Variants in RNF216 observed in about 807,000 individuals in gnomAD.
The protein encoded by RNF216 is E3 ubiquitin-protein ligase RNF216.
RNF216 carries 72 observed loss-of-function variants against 110.8 expected under a neutral mutation model. The ratio of observed to expected loss-of-function variants is 0.65; its 90% CI spans 0.54 to 0.79. The LOEUF is 0.79. RNF216 is among the 30% of genes least tolerant of loss of function. The pLI, the probability that RNF216 is intolerant of heterozygous loss-of-function variation, is 0.00. For missense variants in RNF216, 1,342 were observed against 1,141.2 expected (o/e 1.18, Z -2.54); for synonymous variants, 495 against 407.5 (o/e 1.21, Z -2.59).
In RNF216 at chr7:5,741,131, G is replaced by C. The variant is rs1794729810; in HGVS notation, c.886C>G (p.Leu296Val). The change falls in exon 4 of 17, where the codon CTA (leucine) becomes GTA (valine). Residue 296 changes from leucine (L) to valine (V), a missense_variant. By Grantham distance (32) the Leu-to-Val change is conservative (BLOSUM62 1). Coordinates refer to ENST00000389902, the MANE Select transcript of RNF216 (RefSeq NM_207111.4). ...GPSSPQPAHP[L>V]GEFEDQQLAS... ...AACTGCTGGTCTTCAAACTCTCCTA[G>C]AGGATGGGCAGGCTGAGGAGAAGAG... is the stretch of plus-strand genomic sequence containing the variant. The C allele has an allele frequency of 4.3e-6, 7 of 1,614,132 alleles. No individual in the cohort carries two copies. Among genetic ancestry groups the C allele is most frequent in the Non-Finnish European group, 5.9e-6 (7 of 1,180,030 alleles).
intron 13 of RNF216, among the ~76,000 whole-genome samples, chr7:5,702,747 T>C (rs969174414): frequency 3.9e-5 from 6 of 152,118 alleles, no homozygotes; most frequent in Non-Finnish European, 7.4e-5. Flanking sequence ...AGTGAAATTT[T>C]AAAAAGTGAA....
At position 5,714,347 on chromosome 7, in the gene RNF216, C is replaced by T. The variant is rs144553722; in HGVS notation, c.1833+706G>A. ...GATCTCAACTCACCACAACCTCTGC[C>T]TCCCAGATTCAACCAATTCTCCTGC... On this transcript the variant is annotated intron_variant, in intron 11 of 16. Transcript: ENST00000389902. Among the ~76,000 whole-genome samples the T allele has an allele frequency of 2.0e-5, 3 of 152,330 alleles. No individual in the cohort carries two copies. In the South Asian group the frequency reaches 6.2e-4, roughly 32 times the overall value.
At chr7:5,764,422 C>T (rs1180082631) in intron 1 of RNF216, among the ~76,000 whole-genome samples, 10 of 151,800 alleles carry the variant, frequency 6.6e-5, no homozygotes, top group Non-Finnish European at 1.2e-4. Flanking sequence ...CTGAGGAGAG[C>T]GGATCACTTG....
rs1397071099 is a variant in RNF216, at chr7:5,621,227, T to G, written c.*1633A>C. ...TTTGCTTTTGTTGCTCAGGCTGGAG[T>G]GCAGTGGCACAATCTTGGCTCACTG... is the stretch of plus-strand genomic sequence containing the variant. On this transcript the variant is annotated 3_prime_UTR_variant, in exon 17 of 17. Transcript: ENST00000389902. 1.3e-5 allele frequency: 2 copies of G among 150,554 alleles called. No individual in the cohort carries two copies. Among genetic ancestry groups the G allele is most frequent in the Non-Finnish European group, 2.9e-5 (2 of 67,904 alleles). 9.3% of individuals were successfully genotyped at this position (150,554 alleles called of 1,614,324 possible). A position where few individuals can be genotyped will look rare whatever the true frequency, so the allele number is the denominator to read the frequency against.
chr7:5,754,379 C>T (rs1009312119), intron 2 of RNF216, among the ~76,000 whole-genome samples: 1 of 152,020 alleles, frequency 6.6e-6, no homozygotes, highest in East Asian at 1.9e-4. Flanking sequence ...CTATGCTGGC[C>T]TTGAACTCCT....
intron 14 of RNF216, among the ~76,000 whole-genome samples, chr7:5,648,290 G>A (rs1250546754): frequency 1.3e-5 from 2 of 151,846 alleles, no homozygotes; most frequent in Non-Finnish European, 2.9e-5. Context: ...ATTTTTAGTA[G>A]AGACAGAGGT....
At chr7:5,654,155 C>A (rs1182660189) in intron 13 of RNF216, among the ~76,000 whole-genome samples, 1 of 152,016 alleles carries the variant, frequency 6.6e-6, no homozygotes, top group Non-Finnish European at 1.5e-5. Flanking sequence ...CCATGAAGGC[C>A]CAGACAAGGG....
intron 14 of RNF216, among the ~76,000 whole-genome samples, chr7:5,648,755 G>C (rs1279550102): frequency 1.3e-5 from 2 of 149,690 alleles, no homozygotes; most frequent in African/African-American, 4.9e-5. Context: ...AAGAAAAAAA[G>C]AAAACGCAGG....
intron 5 of RNF216, among the ~76,000 whole-genome samples, chr7:5,734,418 T>C (rs989777134): frequency 6.6e-6 from 1 of 152,198 alleles, no homozygotes; most frequent in African/African-American, 2.4e-5. Context: ...TTCTTGAAGA[T>C]TTCTGGGTTG....
intron 13 of RNF216, among the ~76,000 whole-genome samples, chr7:5,656,627 C>T (rs1230889515): frequency 1.2e-4 from 18 of 152,128 alleles, no homozygotes; most frequent in Admixed American, 1.0e-3. Flanking sequence ...ACGTTCTTCA[C>T]GTCATCATGG....
Position 5,725,355 on chromosome 7 carries a change from C to G in RNF216, c.1473G>C (p.Gln491His), listed in dbSNP as rs1302682576. 1 of 1,612,204 alleles carries G rather than the reference C, an allele frequency of 6.2e-7. No individual in the cohort carries two copies. The highest frequency in any genetic ancestry group is 1.1e-5 in the South Asian group (1 of 91,014). Residue 491 changes from glutamine to histidine, a missense_variant, in exon 8 of 17, where the codon CAG (glutamine) becomes CAC (histidine). Physicochemically the swap from Gln to His is conservative, Grantham distance 24 (BLOSUM62 0). Transcript: ENST00000389902. ...CAAACTTGAAATCAATGTAAGAATACTGGTTCATTTGTTTTCTCTTCTTCC... is the reference window on the plus strand; with the variant it reads ...CAAACTTGAAATCAATGTAAGAATAGTGGTTCATTTGTTTTCTCTTCTTCC... ...GKRKKRKQMN[Q>H]YSYIDFKFEQ...
chr7:5,779,514 A>C, intron 1 of RNF216, among the ~76,000 whole-genome samples: 1 of 152,048 alleles, frequency 6.6e-6, no homozygotes, highest in Non-Finnish European at 1.5e-5. Context: ...TGTTTCATAG[A>C]ATCTTCCCGC....
At chr7:5,695,374 A>G (rs1791560605) in intron 13 of RNF216, among the ~76,000 whole-genome samples, 1 of 151,140 alleles carries the variant, frequency 6.6e-6, no homozygotes, top group African/African-American at 2.4e-5. Flanking sequence ...CTGACCTCAC[A>G]CTCCCCAGTC....
rs1158885487 is a variant in RNF216 at position 5,741,151 on chromosome 7, G to A, written c.866C>T (p.Ser289Phe). Residue 289 changes from serine to phenylalanine, a missense_variant, in exon 4 of 17, where the codon TCT becomes TTT. Ser to Phe is a radical substitution (Grantham distance 155). Transcript: ENST00000389902. The part of the protein sequence containing the change: ...PQQGGISGPS[S>F]PQPAHPLGEF... ...TCCTAGAGGATGGGCAGGCTGAGGA[G>A]AAGAGGGGCCTGAAATCCCACCTTG... The A allele has an allele frequency of 1.9e-6, 3 of 1,614,052 alleles. No individual in the cohort carries two copies. The highest frequency in any genetic ancestry group is 2.5e-6 in the Non-Finnish European group (3 of 1,180,044).
intron 7 of RNF216, among the ~76,000 whole-genome samples, chr7:5,726,783 G>A (rs1323180235): frequency 4.0e-5 from 6 of 151,736 alleles, no homozygotes; most frequent in African/African-American, 1.5e-4. Flanking sequence ...CAGTGAACCT[G>A]GAAAGCGGAG....
intron 5 of RNF216, among the ~76,000 whole-genome samples, chr7:5,733,497 T>A (rs1246516362): frequency 6.6e-6 from 1 of 152,194 alleles, no homozygotes; most frequent in African/African-American, 2.4e-5. Context: ...AAACATTGAA[T>A]ATACTCAATT....
intron 8 of RNF216, among the ~76,000 whole-genome samples, chr7:5,723,966 A>T (rs1461977251): frequency 6.6e-6 from 1 of 152,228 alleles, no homozygotes; most frequent in Non-Finnish European, 1.5e-5. Context: ...GTCCTTCAAG[A>T]TTATCTGATA....
At chr7:5,734,951 G>T (rs1452580356) in intron 5 of RNF216, among the ~76,000 whole-genome samples, 1 of 152,000 alleles carries the variant, frequency 6.6e-6, no homozygotes, top group Non-Finnish European at 1.5e-5. Flanking sequence ...AGGAGTTCGA[G>T]ACCAGCCTGG....
intron 15 of RNF216, among the ~76,000 whole-genome samples, chr7:5,633,198 C>T (rs112557697): frequency 7.2e-5 from 11 of 151,950 alleles, no homozygotes; most frequent in East Asian, 2.0e-4. Flanking sequence ...AGGCTGGTCT[C>T]GAACTCCTGA....
Sources: allele counts gnomAD v4.1 joint callset (sites outside exome capture counted in the v4.1 genomes callset), GRCh38; gene constraint gnomAD v4.1.1; transcripts MANE v1.5; gene names NCBI Gene and HGNC (gene_info 2026-07-23, HGNC 2026-07-21).